NAA11: variants seen among roughly 807,000 people sequenced by gnomAD.
NAA11 encodes N-alpha-acetyltransferase 11.
A neutral mutation model predicts 16.1 loss-of-function variants in NAA11; 15 were observed. The observed-to-expected ratio is 0.93, with a 90% CI of 0.62 to 1.44. The LOEUF is 1.44. Ranked by LOEUF, NAA11 falls within the 40% of genes most tolerant of loss-of-function variation. The probability of loss-of-function intolerance (pLI) is 0.00; values close to 1 mark genes in which losing one functional copy is unlikely to be tolerated. For synonymous variants in NAA11, 122 were observed against 112.4 expected, an observed-to-expected ratio of 1.09 and a Z score of -0.54; for missense variants, 298 against 291.3, an observed-to-expected ratio of 1.02 and a Z score of -0.17.
intron 1 of NAA11, among the ~76,000 whole-genome samples, chr4:79,319,506 T>C (rs1168341458): frequency 6.6e-6 from 1 of 152,222 alleles, no homozygotes; most frequent in African/African-American, 2.4e-5. Flanking sequence ...TCTAACCTCC[T>C]GTACCATAAA....
chr4:79,310,419 C>G (rs1560468794), intron 1 of NAA11, among the ~76,000 whole-genome samples: 1 of 152,212 alleles, frequency 6.6e-6, no homozygotes, highest in Non-Finnish European at 1.5e-5. Flanking sequence ...CTTATACTTA[C>G]ACCTATTTTG....
chr4:79,216,496 CTTT>C, the NAA11 span, among the ~76,000 whole-genome samples: 1 of 152,022 alleles, frequency 6.6e-6, no homozygotes, highest in African/African-American at 2.4e-5. Flanking sequence ...AAACTCTCTT[CTTT>C]AATAAATTCA....
chr4:79,209,306 A>C, the NAA11 span, among the ~76,000 whole-genome samples: 1 of 152,206 alleles, frequency 6.6e-6, no homozygotes, highest in Non-Finnish European at 1.5e-5. Context: ...GAAGCATTTG[A>C]AGTGGGTGAT....
the NAA11 span, among the ~76,000 whole-genome samples, chr4:79,207,623 G>C: frequency 6.6e-6 from 1 of 152,048 alleles, no homozygotes; most frequent in African/African-American, 2.4e-5. Context: ...GTGAAATTTT[G>C]TTGTGGCAGC....
At chr4:79,178,870 GA>G in the NAA11 span, among the ~76,000 whole-genome samples, 1 of 152,116 alleles carries the variant, frequency 6.6e-6, no homozygotes, top group Non-Finnish European at 1.5e-5. Context: ...AAGAATGAAA[GA>G]AAAAGCATTA....
At chr4:79,254,014 C>T (rs1197504562) in intron 2 of NAA11, among the ~76,000 whole-genome samples, 1 of 152,202 alleles carries the variant, frequency 6.6e-6, no homozygotes, top group African/African-American at 2.4e-5. Flanking sequence ...TGCTCTGCCT[C>T]ACATAGATTT....
intron 1 of NAA11, among the ~76,000 whole-genome samples, chr4:79,300,089 G>A (rs1723341010): frequency 6.6e-6 from 1 of 152,106 alleles, no homozygotes; most frequent in Non-Finnish European, 1.5e-5. Flanking sequence ...CATGCTTATA[G>A]GGGCAAGTAT....
chr4:79,192,175 G>C, the NAA11 span, among the ~76,000 whole-genome samples: 2 of 151,754 alleles, frequency 1.3e-5, no homozygotes, highest in South Asian at 4.2e-4. Flanking sequence ...GCTCTTTTTT[G>C]GTTCCATATG....
chr4:79,239,943 T>C (rs1251329388), intron 2 of NAA11, among the ~76,000 whole-genome samples: 1 of 152,106 alleles, frequency 6.6e-6, no homozygotes, highest in Non-Finnish European at 1.5e-5. Flanking sequence ...CATCATGGTG[T>C]GCACTTACCA....
At chr4:79,279,104 T>C (rs1346496526) in intron 2 of NAA11, among the ~76,000 whole-genome samples, 1 of 152,052 alleles carries the variant, frequency 6.6e-6, no homozygotes, top group East Asian at 1.9e-4. Context: ...GGGTTAAGTT[T>C]CTAACATATG....
chr4:79,173,740 C>G, the NAA11 span, among the ~76,000 whole-genome samples: 1 of 151,962 alleles, frequency 6.6e-6, no homozygotes, highest in African/African-American at 2.4e-5. Context: ...AAGAGGTGGG[C>G]ATTAATAAGG....
chr4:79,183,515 C>T, the NAA11 span, among the ~76,000 whole-genome samples: 1 of 152,218 alleles, frequency 6.6e-6, no homozygotes, highest in South Asian at 2.1e-4. Context: ...TAACAATTAA[C>T]ATTTTGGGAG....
chr4:79,210,178 G>A, the NAA11 span, among the ~76,000 whole-genome samples: 1 of 152,168 alleles, frequency 6.6e-6, no homozygotes, highest in Non-Finnish European at 1.5e-5. Context: ...GGGAGTCAGT[G>A]GAGGGTGGCG....
chr4:79,183,044 C>T, the NAA11 span, among the ~76,000 whole-genome samples: 1 of 152,016 alleles, frequency 6.6e-6, no homozygotes, highest in Non-Finnish European at 1.5e-5. Context: ...GCATCTGATT[C>T]TTCTTGGGGA....
At chr4:79,248,621 C>G (rs766337254) in intron 2 of NAA11, among the ~76,000 whole-genome samples, 1 of 152,216 alleles carries the variant, frequency 6.6e-6, no homozygotes, top group Non-Finnish European at 1.5e-5. Flanking sequence ...CGGCACAAAC[C>G]TGTGCCTGGA....
chr4:79,269,619 T>A (rs1488302895), intron 2 of NAA11, among the ~76,000 whole-genome samples: 3 of 149,626 alleles, frequency 2.0e-5, no homozygotes, highest in Non-Finnish European at 3.0e-5. Context: ...GTCAGATGAG[T>A]AGGTTGTGAA....
rs976343830 is a variant in NAA11 at position 79,298,059 on chromosome 4, G to A, written c.*13-3945C>T. On this transcript the variant is annotated intron_variant and NMD_transcript_variant, in intron 1 of 2. Transcript: ENST00000511542. ...AAGAGCAGCTGCAGAGAGGAGCTAC[G>A]TTTTCTGCTGGGAGCTGAACACTTG... 5.3e-5 allele frequency among the ~76,000 whole-genome samples: 8 copies of A among 152,170 alleles called. No homozygotes were observed. In the East Asian group the frequency reaches 7.7e-4, roughly 15 times the overall value.
intron 2 of NAA11, among the ~76,000 whole-genome samples, chr4:79,271,780 G>T (rs1722498609): frequency 6.6e-6 from 1 of 152,018 alleles, no homozygotes; most frequent in African/African-American, 2.4e-5. Flanking sequence ...TTTGGCTAAT[G>T]AAGTGAAAGG....
At chr4:79,271,363 C>T (rs1191093889) in intron 2 of NAA11, among the ~76,000 whole-genome samples, 1 of 149,316 alleles carries the variant, frequency 6.7e-6, no homozygotes, top group Non-Finnish European at 1.5e-5. Flanking sequence ...CAAACCACTG[C>T]TCAAGGAAAT....
Sources: gnomAD v4.1 joint callset for allele counts (sites outside exome capture counted in the v4.1 genomes callset) on GRCh38, gnomAD v4.1.1 for gene constraint, MANE v1.5 for transcripts, NCBI Gene and HGNC (gene_info 2026-07-23, HGNC 2026-07-21) for gene names.